Variants in ZFAND4 observed in about 807,000 individuals in gnomAD.
ZFAND4 encodes AN1-type zinc finger protein 4.
A neutral mutation model predicts 64.4 loss-of-function variants in ZFAND4; 43 were observed. The ratio of observed to expected loss-of-function variants is 0.67; its 90% CI spans 0.52 to 0.86. The LOEUF is 0.86. ZFAND4 is among the 40% of genes least tolerant of loss of function. The pLI, the probability that ZFAND4 is intolerant of heterozygous loss-of-function variation, is 0.00. For missense variants in ZFAND4, 929 were observed against 859.8 expected (o/e 1.08, Z -1.01); for synonymous variants, 296 against 305.7 (o/e 0.97, Z 0.33).
chr10:45,665,157 G>A (rs963138400), intron 1 of ZFAND4, among the ~76,000 whole-genome samples: 1 of 152,180 alleles, frequency 6.6e-6, no homozygotes, highest in Non-Finnish European at 1.5e-5. Flanking sequence ...GCTATTAATC[G>A]TGAAAACTCT....
Position 45,626,993 on chromosome 10 carries a change from T to C in ZFAND4, c.830A>G (p.Gln277Arg). The C allele has an allele frequency of 6.2e-7, 1 of 1,613,816 alleles. No homozygotes were observed. The highest frequency in any genetic ancestry group is 1.1e-5 in the South Asian group (1 of 91,014). ...ATTCCCAAAAGCAGGTGAACAAGATTGACCAATGTTGGGGAGGACCCTTAA... is the reference window on the plus strand; with the variant it reads ...ATTCCCAAAAGCAGGTGAACAAGATCGACCAATGTTGGGGAGGACCCTTAA... Reference protein sequence around the residue: ...RLLRVLPNIGQSCSPAFGNAY... With the variant: ...RLLRVLPNIGRSCSPAFGNAY... The change falls in exon 7 of 10, where the codon CAA becomes CGA. Residue 277 changes from glutamine (Q) to arginine (R), a missense_variant. Gln to Arg is a conservative substitution (Grantham distance 43). Coordinates refer to ENST00000344646, the MANE Select transcript of ZFAND4 (RefSeq NM_174890.4).
intron 8 of ZFAND4, among the ~76,000 whole-genome samples, chr10:45,623,051 A>T (rs868796707): frequency 1.3e-4 from 20 of 152,336 alleles, no homozygotes; most frequent in African/African-American, 4.3e-4. Flanking sequence ...CAGATACGCA[A>T]ATCAAAACCA....
chr10:45,616,555 A>C lies in ZFAND4; in HGVS notation c.2065T>G (p.Cys689Gly), dbSNP rs1199095300. 3 of 1,614,036 alleles carry C rather than the reference A, an allele frequency of 1.9e-6. No homozygotes were observed. The highest frequency in any genetic ancestry group is 2.5e-6 in the Non-Finnish European group (3 of 1,180,018). Residue 689 changes from cysteine (C) to glycine (G), a missense_variant, in exon 10 of 10, where the codon TGT becomes GGT. Coordinates refer to ENST00000344646, the MANE Select transcript of ZFAND4 (RefSeq NM_174890.4). ...GTTTCTGCATAACGATGAGATGCAC[A>C]GAAGTTGTTTCCACATCTAAAGCAC... ...SYECRCGNNF[C>G]ASHRYAETHG...
intron 5 of ZFAND4, among the ~76,000 whole-genome samples, chr10:45,645,371 G>A (rs759176145): frequency 1.2e-4 from 19 of 152,138 alleles, no homozygotes; most frequent in Non-Finnish European, 2.5e-4. Context: ...AACCAGCAGT[G>A]TTAATGGTAA....
chr10:45,657,135 T>A (rs1038426390), intron 2 of ZFAND4, among the ~76,000 whole-genome samples: 4 of 151,590 alleles, frequency 2.6e-5, no homozygotes, highest in Non-Finnish European at 4.4e-5. Context: ...CACCTCAGCC[T>A]CCTGAGCAGC....
At chr10:45,671,910 G>A (rs1460401576) in intron 1 of ZFAND4, among the ~76,000 whole-genome samples, 2 of 151,938 alleles carry the variant, frequency 1.3e-5, no homozygotes, top group African/African-American at 4.8e-5. Context: ...TGAAATGGAA[G>A]TTAAAGGTAA....
At chr10:45,633,273 C>G (rs1441035422) in intron 6 of ZFAND4, among the ~76,000 whole-genome samples, 1 of 151,296 alleles carries the variant, frequency 6.6e-6, no homozygotes, top group Non-Finnish European at 1.5e-5. Context: ...AAACTTTTAC[C>G]TTTTTGATAG....
chr10:45,640,278 G>T, intron 5 of ZFAND4: 2 of 1,233,464 alleles, frequency 1.6e-6, no homozygotes, highest in Non-Finnish European at 2.1e-6. Context: ...ATTTCCATGA[G>T]AATGTCTGAT....
intron 2 of ZFAND4, among the ~76,000 whole-genome samples, chr10:45,661,757 A>AT: frequency 6.6e-6 from 1 of 152,208 alleles, no homozygotes; most frequent in East Asian, 1.9e-4. Flanking sequence ...CCTGGCCAAC[A>AT]TGGTGAAACC....
chr10:45,670,428 AG>A (rs2049104654), intron 1 of ZFAND4, among the ~76,000 whole-genome samples: 1 of 152,058 alleles, frequency 6.6e-6, no homozygotes, highest in South Asian at 2.1e-4. Context: ...TTCTCCCAAC[AG>A]GGGTTTCTCC....
chr10:45,615,646 A>G lies in ZFAND4; in HGVS notation c.*790T>C, dbSNP rs1433460683. 1 of 152,060 alleles carries G rather than the reference A, an allele frequency of 6.6e-6. No individual in the cohort carries two copies. Among genetic ancestry groups the G allele is most frequent in the Admixed American group, 6.5e-5 (1 of 15,280 alleles). The allele number at this position is 152,060 out of a possible 1,614,324, so 9.4% of individuals were successfully genotyped here. On this transcript the variant is annotated 3_prime_UTR_variant, in exon 10 of 10. Transcript: ENST00000344646. ...TTCTCCTGGTAATAGCACTCAACAA[A>G]TAAGAAAAACCGAGCTGTGAGATTT... is the stretch of plus-strand genomic sequence containing the variant.
At chr10:45,653,133 TTTCA>T (rs2047871361) in intron 2 of ZFAND4, 74 bp from the exon 3 acceptor site, 1 of 1,144,326 alleles carries the variant, frequency 8.7e-7, no homozygotes, top group Non-Finnish European at 1.3e-6. Flanking sequence ...TACAAATCTA[TTTCA>T]TTAAGGAACT....
At chr10:45,641,290 G>A (rs369604680) in intron 5 of ZFAND4, among the ~76,000 whole-genome samples, 3 of 152,194 alleles carry the variant, frequency 2.0e-5, no homozygotes, top group East Asian at 1.9e-4. Context: ...TTTAAATAAA[G>A]CAAAATAAGA....
At chr10:45,661,545 T>C (rs2048471229) in intron 2 of ZFAND4, among the ~76,000 whole-genome samples, 1 of 152,120 alleles carries the variant, frequency 6.6e-6, no homozygotes. Context: ...ATCTCTGCCC[T>C]CCGTATTCCA....
At chr10:45,651,733 A>C (rs2047771233) in intron 4 of ZFAND4, 2 of 596,564 alleles carry the variant, frequency 3.4e-6, no homozygotes, top group Non-Finnish European at 6.4e-6. Flanking sequence ...CAAAAGGTTT[A>C]TTTTTAAACC....
rs1175031429 is a variant in ZFAND4 at position 45,625,977 on chromosome 10, G to A, written c.1846C>T (p.Gln616Ter). 1.9e-6 allele frequency: 3 copies of A among 1,614,020 alleles called. No individual in the cohort carries two copies. The Admixed American group carries it at 5.0e-5, about 27-fold the overall frequency. The change falls in exon 7 of 10, where the codon CAG becomes TAG. Residue 616 changes from glutamine to a stop codon, truncating the protein, a stop_gained. Coordinates refer to ENST00000344646, the MANE Select transcript of ZFAND4 (RefSeq NM_174890.4). LOFTEE classifies it high-confidence loss of function. ...AAAAAAACTCCTGTATGTTCTAACT[G>A]GGGAGAACTTTTCCTAAAGTTTTCT... is the stretch of plus-strand genomic sequence containing the variant. ...QEENFRKSSP[Q>*]LEHTGVFLST...
chr10:45,667,449 CT>C (rs1480063309), intron 1 of ZFAND4, among the ~76,000 whole-genome samples: 2 of 134,732 alleles, frequency 1.5e-5, no homozygotes, highest in African/African-American at 5.4e-5. Flanking sequence ...TCTATATGCT[CT>C]TTTCTTTCTT....
At chr10:45,655,624 CAAGAA>C (rs1244196299) in intron 2 of ZFAND4, among the ~76,000 whole-genome samples, 1 of 151,972 alleles carries the variant, frequency 6.6e-6, no homozygotes, top group Non-Finnish European at 1.5e-5. Flanking sequence ...CTATATTAAT[CAAGAA>C]AAGAAAACAG....
intron 8 of ZFAND4, among the ~76,000 whole-genome samples, chr10:45,618,815 C>T (rs2045197370): frequency 6.6e-6 from 1 of 152,094 alleles, no homozygotes; most frequent in Non-Finnish European, 1.5e-5. Context: ...TTAATAAGCA[C>T]TTTAAGGTCA....
Sources: gnomAD v4.1 joint callset for allele counts (sites outside exome capture counted in the v4.1 genomes callset) on GRCh38, gnomAD v4.1.1 for gene constraint, MANE v1.5 for transcripts, NCBI Gene and HGNC (gene_info 2026-07-23, HGNC 2026-07-21) for gene names.